The following CWF19L2 variants were observed in gnomAD, a reference collection of about 807,000 sequenced individuals.
The protein encoded by CWF19L2 is CWF19-like protein 2.
CWF19L2 carries 98 observed loss-of-function variants against 111.7 expected under a neutral mutation model. The observed-to-expected ratio is 0.88, with a 90% confidence interval of 0.75 to 1.04. The LOEUF (loss-of-function observed/expected upper bound fraction) is 1.04. Among genes scored for constraint, CWF19L2 ranks in the 50% least tolerant of loss-of-function variants. CWF19L2 has a pLI of 0.00. For synonymous variants in CWF19L2, 351 were observed against 342.9 expected (o/e 1.02, Z -0.26); for missense variants, 1,101 against 1,051.4 (o/e 1.05, Z -0.65).
Position 107,429,070 on chromosome 11 carries a change from G to C in CWF19L2, c.1162C>G (p.Pro388Ala). 2 of 1,613,768 alleles carry C rather than the reference G, an allele frequency of 1.2e-6. No individual in the cohort carries two copies. The highest frequency in any genetic ancestry group is 1.7e-6 in the Non-Finnish European group (2 of 1,179,818). Reference sequence around the variant, plus strand: ...ACCAATGCTGAAGATGAACTAAGTGGTTCAAATTTTCTGCCCTTGCTGTGA... The same window carrying C: ...ACCAATGCTGAAGATGAACTAAGTGCTTCAAATTTTCTGCCCTTGCTGTGA... ...SFHSKGRKFE[P>A]LSSSSALVAQ... The change falls in exon 8 of 18, where the codon CCA (proline) becomes GCA (alanine). Residue 388 changes from proline to alanine, a missense_variant. By Grantham distance (27) the Pro-to-Ala change is conservative (BLOSUM62 -1). Transcript: ENST00000282251.
At chr11:107,453,458 T>C (rs1055099596) in intron 3 of CWF19L2, among the ~76,000 whole-genome samples, 18 of 151,976 alleles carry the variant, frequency 1.2e-4, no homozygotes, top group African/African-American at 3.9e-4. Context: ...CAGGACTCCA[T>C]CTTGCATCTT....
intron 2 of CWF19L2, among the ~76,000 whole-genome samples, chr11:107,455,203 T>C (rs1861836187): frequency 6.6e-6 from 1 of 152,124 alleles, no homozygotes; most frequent in Admixed American, 6.5e-5. Flanking sequence ...GATGAGGTGA[T>C]GGATATGTTC....
intron 14 of CWF19L2, among the ~76,000 whole-genome samples, chr11:107,337,815 A>G (rs778131586): frequency 3.9e-5 from 6 of 152,218 alleles, no homozygotes; most frequent in Non-Finnish European, 5.9e-5. Flanking sequence ...TAGATTTGTC[A>G]GCTTGATTTA....
intron 9 of CWF19L2, 67 bp downstream of exon 9, chr11:107,418,127 C>T: frequency 9.9e-7 from 1 of 1,005,506 alleles, no homozygotes; most frequent in South Asian, 1.3e-5. Context: ...TAAGGAACTT[C>T]TAAAATTACT....
chr11:107,434,884 G>T (rs1387712676), intron 6 of CWF19L2, among the ~76,000 whole-genome samples: 2 of 151,918 alleles, frequency 1.3e-5, no homozygotes, highest in African/African-American at 4.8e-5. Context: ...CAAACTGTGT[G>T]CTGAGTACAC....
At chr11:107,338,744 T>C (rs1308516155) in intron 14 of CWF19L2, among the ~76,000 whole-genome samples, 1 of 152,242 alleles carries the variant, frequency 6.6e-6, no homozygotes, top group African/African-American at 2.4e-5. Context: ...GCAAAGGACA[T>C]GATCTCATTC....
chr11:107,415,063 A>C (rs1044467407), intron 10 of CWF19L2, among the ~76,000 whole-genome samples: 2 of 152,134 alleles, frequency 1.3e-5, no homozygotes, highest in Non-Finnish European at 2.9e-5. Context: ...CCTCCTTACC[A>C]TGACTTTCAA....
chr11:107,372,756 G>A lies in CWF19L2; in HGVS notation c.1872+17318C>T, dbSNP rs887963909. On this transcript the variant is annotated intron_variant, in intron 12 of 17. Coordinates refer to ENST00000282251, the MANE Select transcript of CWF19L2 (RefSeq NM_152434.3). ...GTAGACCAGATAAGAAACAAAGATAGCGGGTTGAGGAGCCAAGATGGCCAA... is the reference window on the plus strand; with the variant it reads ...GTAGACCAGATAAGAAACAAAGATAACGGGTTGAGGAGCCAAGATGGCCAA... Among the ~76,000 whole-genome samples the A allele has an allele frequency of 2.2e-4, 29 of 133,642 alleles. 5 individuals are homozygous for A. The highest frequency in any genetic ancestry group is 8.9e-4 in the African/African-American group (29 of 32,596). The allele number at this position is 133,642 out of a possible 152,430, so 87.7% of individuals were successfully genotyped here. A position where few individuals can be genotyped will look rare whatever the true frequency, so the allele number is the denominator to read the frequency against.
intron 4 of CWF19L2, among the ~76,000 whole-genome samples, chr11:107,442,592 G>A (rs1451111561): frequency 2.0e-5 from 3 of 151,502 alleles, no homozygotes; most frequent in Admixed American, 2.0e-4. Context: ...GTCGAGGTGG[G>A]AGGATTACTC....
chr11:107,448,343 CAAAAAAAAAA>C (rs61259014), intron 3 of CWF19L2, among the ~76,000 whole-genome samples: 1 of 54,900 alleles, frequency 1.8e-5, no homozygotes, highest in Non-Finnish European at 3.1e-5. Context: ...GACTCCGTCA[CAAAAAAAAAA>C]AAAAAAAAAA....
intron 12 of CWF19L2, among the ~76,000 whole-genome samples, chr11:107,365,252 G>A (rs1334543747): frequency 6.8e-6 from 1 of 147,018 alleles, no homozygotes; most frequent in Non-Finnish European, 1.5e-5. Flanking sequence ...GGTACAAGGA[G>A]GAACTGGTAC....
Position 107,457,805 on chromosome 11 carries a change from AC to A in CWF19L2, c.11del (p.Ser4IlefsTer60). The A allele has an allele frequency of 6.4e-7, 1 of 1,551,658 alleles. No homozygotes were observed. Among genetic ancestry groups the A allele is most frequent in the East Asian group, 2.4e-5 (1 of 40,918 alleles). MAT[S>X]MAAASGRFES... is the part of the protein sequence containing the mutation. Reference sequence around the variant, plus strand: ...CAAATCTACCACTAGCAGCCGCCATACTTGTTGCCATCGTAAAGCTAAGAAG... The same window carrying A: ...CAAATCTACCACTAGCAGCCGCCATATTGTTGCCATCGTAAAGCTAAGAAG... On this transcript the variant is annotated frameshift_variant, in exon 1 of 18. Coordinates refer to ENST00000282251, the MANE Select transcript of CWF19L2 (RefSeq NM_152434.3). LOFTEE classifies it high-confidence loss of function.
At chr11:107,398,911 A>C (rs1238113826) in intron 10 of CWF19L2, among the ~76,000 whole-genome samples, 1 of 152,214 alleles carries the variant, frequency 6.6e-6, no homozygotes, top group African/African-American at 2.4e-5. Context: ...TTATCAGCCA[A>C]GAATTTTGTA....
At chr11:107,403,468 T>C in intron 10 of CWF19L2, 1 of 806,036 alleles carries the variant, frequency 1.2e-6, no homozygotes, top group Non-Finnish European at 2.2e-6. Flanking sequence ...TGTTGCTCTC[T>C]GAGCCAGTGT....
intron 14 of CWF19L2, among the ~76,000 whole-genome samples, chr11:107,346,242 A>T (rs1440014393): frequency 6.6e-6 from 1 of 152,214 alleles, no homozygotes; most frequent in Non-Finnish European, 1.5e-5. Flanking sequence ...AAAATATAAC[A>T]TGTTTAAATA....
intron 2 of CWF19L2, 57 bp from the exon 3 acceptor site, chr11:107,454,629 ATGTATTCTG>A: frequency 8.4e-7 from 1 of 1,187,298 alleles, no homozygotes. Context: ...ATTTAAAAGG[ATGTATTCTG>A]AGAGAAAAAA....
At chr11:107,353,476 A>G in intron 13 of CWF19L2, 48 bp downstream of exon 13, 1 of 1,458,258 alleles carries the variant, frequency 6.9e-7, no homozygotes, top group Non-Finnish European at 9.5e-7. Flanking sequence ...TGAAGAAACA[A>G]AAAAAGTTCT....
At chr11:107,373,539 A>C (rs1194368051) in intron 12 of CWF19L2, among the ~76,000 whole-genome samples, 1 of 126,276 alleles carries the variant, frequency 7.9e-6, no homozygotes, top group African/African-American at 3.1e-5. Context: ...TGGGTACTTC[A>C]ACAGACCTGC....
chr11:107,453,320 T>C (rs1480730272), intron 3 of CWF19L2, among the ~76,000 whole-genome samples: 2 of 151,972 alleles, frequency 1.3e-5, no homozygotes, highest in Non-Finnish European at 2.9e-5. Flanking sequence ...GGACAGGTGG[T>C]TGGGGGGCAA....
Sources: gnomAD v4.1 joint callset for allele counts (sites outside exome capture counted in the v4.1 genomes callset) on GRCh38, gnomAD v4.1.1 for gene constraint, MANE v1.5 for transcripts, NCBI Gene and HGNC (gene_info 2026-07-23, HGNC 2026-07-21) for gene names.